The following ARID1B variants were observed in gnomAD, a reference collection of about 807,000 sequenced individuals.
ARID1B encodes AT-rich interaction domain 1B, also known as AT-rich interactive domain-containing protein 1B.
A neutral mutation model predicts 212.3 loss-of-function variants in ARID1B; 30 were observed. That is an observed-to-expected ratio of 0.14 (90% CI 0.11 to 0.19). ARID1B has a LOEUF of 0.19. Ranked by LOEUF, ARID1B falls within the 10% of genes least tolerant of loss-of-function variation. The pLI, the probability that ARID1B is intolerant of heterozygous loss-of-function variation, is 1.00. For synonymous variants in ARID1B, 1,402 were observed against 1,301.7 expected, an observed-to-expected ratio of 1.08 and a Z score of -1.66; for missense variants, 2,891 against 3,204.0, an observed-to-expected ratio of 0.90 and a Z score of 2.36.
chr6:157,114,523 C>CAAAAAAAAAAAAA (rs111845551), intron 6 of ARID1B, among the ~76,000 whole-genome samples: 5 of 50,412 alleles, frequency 9.9e-5, no homozygotes, highest in African/African-American at 2.7e-4. Context: ...CACTCCGTCT[C>CAAAAAAAAAAAAA]AAAAAAAAAA....
intron 4 of ARID1B, among the ~76,000 whole-genome samples, chr6:156,998,695 G>A (rs563647270): frequency 1.3e-5 from 2 of 152,288 alleles, no homozygotes; most frequent in East Asian, 1.9e-4. Flanking sequence ...GGGGAGCTGC[G>A]ATGGAAGCAA....
rs186515767 is a variant in ARID1B, at chr6:156,966,434, C to T, written c.2247+30858C>T. Among the ~76,000 whole-genome samples, 51 of 135,752 alleles carry T rather than the reference C, an allele frequency of 3.8e-4. No homozygotes were observed. The East Asian group carries it at 0.011, about 28-fold the overall frequency. 89.1% of individuals were successfully genotyped at this position (135,752 alleles called of 152,430 possible). A position where few individuals can be genotyped will look rare whatever the true frequency, so the allele number is the denominator to read the frequency against. The stretch of plus-strand genomic sequence containing the variant: ...TTGAGACAGAGGTTTACCCTTGTTG[C>T]CCAGGCTGGAGTGCAGTGGTGCGAT... On this transcript the variant is annotated intron_variant, in intron 4 of 19. Coordinates refer to ENST00000636930, the MANE Select transcript of ARID1B (RefSeq NM_001374828.1).
intron 2 of ARID1B, among the ~76,000 whole-genome samples, chr6:156,859,830 C>G (rs1043927013): frequency 6.6e-6 from 1 of 152,212 alleles, no homozygotes; most frequent in African/African-American, 2.4e-5. Flanking sequence ...CACAGAAAGA[C>G]TAAGGTGAAA....
chr6:157,015,415 G>T (rs1035616286), intron 4 of ARID1B, among the ~76,000 whole-genome samples: 2 of 152,194 alleles, frequency 1.3e-5, no homozygotes, highest in African/African-American at 4.8e-5. Flanking sequence ...TGTGCAGTTG[G>T]AGAGGTCTGG....
chr6:156,832,898 A>G (rs950558694), intron 2 of ARID1B, among the ~76,000 whole-genome samples: 1 of 151,788 alleles, frequency 6.6e-6, no homozygotes, highest in Non-Finnish European at 1.5e-5. Flanking sequence ...TGATAATAGT[A>G]CATCATTTTA....
chr6:156,777,087 T>C (rs1430683382), upstream of ARID1B: 1 of 152,190 alleles, frequency 6.6e-6, no homozygotes, highest in African/African-American at 2.4e-5. Context: ...TTTGTATCGT[T>C]CCTTTTAGAC....
chr6:156,957,914 T>C (rs191827424), intron 4 of ARID1B, among the ~76,000 whole-genome samples: 438 of 152,344 alleles, frequency 2.9e-3, no homozygotes, highest in African/African-American at 9.9e-3. Context: ...TTCTGTATTC[T>C]GCTAGGGAAT....
At chr6:156,932,618 G>A (rs1791840554) in intron 3 of ARID1B, among the ~76,000 whole-genome samples, 1 of 151,864 alleles carries the variant, frequency 6.6e-6, no homozygotes, top group Admixed American at 6.6e-5. Flanking sequence ...CTGTGTATTT[G>A]CTCTTCTTGA....
intron 2 of ARID1B, among the ~76,000 whole-genome samples, chr6:156,844,701 G>A (rs287900): frequency 0.16 from 24,414 of 152,132 alleles, 2,141 homozygotes; most frequent in Middle Eastern, 0.2. Context: ...TGACTGCCTT[G>A]CCCTGTATTT....
rs1182521200 is a variant in ARID1B, at chr6:157,201,703, A to C, written c.5263+215A>C. 6.6e-6 allele frequency among the ~76,000 whole-genome samples: 1 copy of C among 152,214 alleles called. No homozygotes were observed. Among genetic ancestry groups the C allele is most frequent in the East Asian group, 1.9e-4 (1 of 5,196 alleles). ...AAAGATTGGCCGGGCGCGGTGGCTC[A>C]TGCCTGTAATACCAGCACTTTGGGA... On this transcript the variant is annotated intron_variant, in intron 18 of 19. Coordinates refer to ENST00000636930, the MANE Select transcript of ARID1B (RefSeq NM_001374828.1). The surrounding 1 kb of genome is among the most constrained non-coding windows in gnomAD (Gnocchi z 5.2).
At chr6:156,990,661 A>G (rs1430760669) in intron 4 of ARID1B, among the ~76,000 whole-genome samples, 1 of 152,024 alleles carries the variant, frequency 6.6e-6, no homozygotes, top group African/African-American at 2.4e-5. Context: ...ACAAACAAAC[A>G]GAACATCTTT....
At chr6:157,138,514 AG>A (rs1380646313) in intron 7 of ARID1B, among the ~76,000 whole-genome samples, 1 of 152,172 alleles carries the variant, frequency 6.6e-6, no homozygotes, top group Non-Finnish European at 1.5e-5. Flanking sequence ...CTAGGATTAC[AG>A]GCATGAGAGA....
chr6:157,024,646 C>T (rs1357843891), intron 4 of ARID1B: 4 of 152,374 alleles, frequency 2.6e-5, no homozygotes, highest in Non-Finnish European at 5.9e-5. Flanking sequence ...GTGGCACACA[C>T]CTGTAATCCC....
intron 4 of ARID1B, among the ~76,000 whole-genome samples, chr6:157,021,696 G>A (rs771434921): frequency 1.3e-5 from 2 of 152,006 alleles, no homozygotes; most frequent in Admixed American, 6.5e-5. Flanking sequence ...TTCCGGGCAA[G>A]CGCGGCCGCC....
chr6:156,789,803 T>G (rs1057011587), intron 1 of ARID1B, among the ~76,000 whole-genome samples: 1 of 152,226 alleles, frequency 6.6e-6, no homozygotes, highest in Non-Finnish European at 1.5e-5. Flanking sequence ...CTGTGTGGTT[T>G]CCTCATTTGT....
intron 6 of ARID1B, among the ~76,000 whole-genome samples, chr6:157,130,360 C>A (rs9480445): frequency 0.059 from 8,945 of 152,210 alleles, 394 homozygotes; most frequent in South Asian, 0.22. Context: ...AATTGAAACA[C>A]ATTTTTTTAT....
chr6:157,055,069 G>A (rs1363054937), intron 4 of ARID1B, among the ~76,000 whole-genome samples: 1 of 152,198 alleles, frequency 6.6e-6, no homozygotes, highest in Non-Finnish European at 1.5e-5. Context: ...CGGGAAGTAG[G>A]GGGGCTTTCC....
At chr6:157,202,070 G>A (rs1337809970) in intron 18 of ARID1B, among the ~76,000 whole-genome samples, 2 of 152,336 alleles carry the variant, frequency 1.3e-5, no homozygotes, top group Admixed American at 1.3e-4. Flanking sequence ...TATGTAATAT[G>A]TAGATTGATA....
chr6:156,786,321 C>G (rs910254197), intron 1 of ARID1B, among the ~76,000 whole-genome samples: 9 of 151,906 alleles, frequency 5.9e-5, no homozygotes, highest in African/African-American at 1.9e-4. Context: ...ATTTGTGCCT[C>G]CCCCTCATGT....
Sources: gnomAD v4.1 joint callset for allele counts (sites outside exome capture counted in the v4.1 genomes callset) on GRCh38, gnomAD v4.1.1 for gene constraint, Gnocchi (gnomAD v3.1) non-coding constraint, MANE v1.5 for transcripts, NCBI Gene and HGNC (gene_info 2026-07-23, HGNC 2026-07-21) for gene names.